TENM1: variants seen among roughly 807,000 people sequenced by gnomAD.
TENM1 encodes the protein teneurin transmembrane protein 1, also known as teneurin-1.
TENM1 carries 35 observed loss-of-function variants against 174.8 expected under a neutral mutation model. The ratio of observed to expected loss-of-function variants is 0.20; its 90% CI spans 0.15 to 0.27. TENM1 has a LOEUF of 0.27. TENM1 is among the 10% of genes least tolerant of loss of function. The pLI, the probability that TENM1 is intolerant of heterozygous loss-of-function variation, is 1.00. For synonymous variants in TENM1, 781 were observed against 798.7 expected, an observed-to-expected ratio of 0.98 and a Z score of 0.37; for missense variants, 1,633 against 2,130.1, an observed-to-expected ratio of 0.77 and a Z score of 4.59.
chrX:124,763,044 A>C (rs1281757848), intron 3 of TENM1, among the ~76,000 whole-genome samples: 2 of 111,759 alleles, frequency 1.8e-5, no homozygotes, highest in Non-Finnish European at 3.8e-5. Context: ...AAAATCACCA[A>C]AAGGAATAGT....
At chrX:124,550,513 A>G (rs3788776) in intron 14 of TENM1, among the ~76,000 whole-genome samples, 8,840 of 111,255 alleles carry the variant, frequency 0.079, 603 homozygotes, top group East Asian at 0.58. Context: ...TCTCATCCCT[A>G]TATTACAAAC....
chrX:124,381,322 C>T, intron 31 of TENM1, 28 bp from the exon 35 acceptor site: 1 of 1,162,067 alleles, frequency 8.6e-7, no homozygotes, highest in Non-Finnish European at 1.1e-6. Flanking sequence ...AGAGCAGATG[C>T]AGCATGGAGT....
chrX:124,849,955 C>A (rs181618623), intron 3 of TENM1, among the ~76,000 whole-genome samples: 1 of 111,649 alleles, frequency 9.0e-6, no homozygotes, highest in Non-Finnish European at 1.9e-5. Context: ...AGGCATCATC[C>A]TATACATTTA....
the TENM1 span, among the ~76,000 whole-genome samples, chrX:125,146,151 T>C: frequency 1.8e-5 from 2 of 111,486 alleles, no homozygotes; most frequent in Non-Finnish European, 3.8e-5. Context: ...GTTGAAACAA[T>C]CCCTTCAGAA....
the TENM1 span, among the ~76,000 whole-genome samples, chrX:125,056,797 G>A: frequency 0.2 from 22,492 of 111,071 alleles, 1,682 homozygotes; most frequent in Admixed American, 0.34. Context: ...TACTCCAAAC[G>A]TTTTTGTAAA....
At chrX:124,947,159 C>T (rs963829154) in intron 1 of TENM1, among the ~76,000 whole-genome samples, 2 of 111,764 alleles carry the variant, frequency 1.8e-5, no homozygotes, top group Non-Finnish European at 3.8e-5. Flanking sequence ...GCATACACTT[C>T]GGTCTTGCAC....
the TENM1 span, among the ~76,000 whole-genome samples, chrX:125,009,102 T>G: frequency 9.7e-6 from 1 of 103,050 alleles, no homozygotes; most frequent in Non-Finnish European, 2.0e-5. Flanking sequence ...GAGCTGTTTT[T>G]TTTTTTTTTC....
At chrX:125,115,879 G>GAA in the TENM1 span, among the ~76,000 whole-genome samples, 1 of 99,030 alleles carries the variant, frequency 1.0e-5, no homozygotes, top group African/African-American at 3.6e-5. Flanking sequence ...ACAGAATTAC[G>GAA]AAAAAAAAAA....
intron 5 of TENM1, 84 bp from the exon 9 acceptor site, chrX:124,671,919 T>G (rs1041649884): frequency 9.6e-7 from 1 of 1,041,793 alleles, no homozygotes; most frequent in African/African-American, 1.9e-5. Context: ...CACCTAAAAA[T>G]GTTACGAACA....
At chrX:125,121,610 T>C in the TENM1 span, among the ~76,000 whole-genome samples, 1 of 111,973 alleles carries the variant, frequency 8.9e-6, no homozygotes, top group Non-Finnish European at 1.9e-5. Context: ...CTCTAACAAT[T>C]TCTACAGTAG....
chrX:125,186,741 C>A, the TENM1 span, among the ~76,000 whole-genome samples: 4 of 111,084 alleles, frequency 3.6e-5, no homozygotes, highest in Non-Finnish European at 5.7e-5. Flanking sequence ...AGAACTGTGA[C>A]CCAAATAAAC....
intron 18 of TENM1, among the ~76,000 whole-genome samples, chrX:124,518,987 T>C (rs1252305593): frequency 8.9e-6 from 1 of 112,031 alleles, no homozygotes; most frequent in African/African-American, 3.2e-5. Flanking sequence ...GAATATGAGA[T>C]ACACAGCAAG....
intron 9 of TENM1, among the ~76,000 whole-genome samples, chrX:124,646,334 A>G (rs1485062412): frequency 8.9e-6 from 1 of 112,171 alleles, no homozygotes; most frequent in Admixed American, 9.5e-5. Flanking sequence ...GCTCATTATG[A>G]ATTAGTTTCT....
At chrX:124,611,305 G>A (rs779174248) in intron 11 of TENM1, among the ~76,000 whole-genome samples, 7 of 111,441 alleles carry the variant, frequency 6.3e-5, no homozygotes, top group Non-Finnish European at 1.3e-4. Flanking sequence ...CATTTCATAG[G>A]CCAGAGCAAG....
the TENM1 span, among the ~76,000 whole-genome samples, chrX:125,001,698 C>T: frequency 9.1e-6 from 1 of 110,397 alleles, no homozygotes; most frequent in East Asian, 2.9e-4. Flanking sequence ...AATCCCTCAA[C>T]CCCTGTTTAT....
chrX:124,808,417 G>A (rs1234951708), intron 3 of TENM1, among the ~76,000 whole-genome samples: 4 of 111,327 alleles, frequency 3.6e-5, no homozygotes, highest in Non-Finnish European at 5.7e-5. Flanking sequence ...AGCAATGGAC[G>A]GATCAACCAG....
rs1456752931 is a variant in TENM1, at chrX:124,402,807, T to G, written c.5391+2224A>C. Among the ~76,000 whole-genome samples, 4 of 111,367 alleles carry G rather than the reference T, an allele frequency of 3.6e-5. No individual in the cohort carries two copies. The East Asian group carries it at 1.1e-3, about 31-fold the overall frequency. On this transcript the variant is annotated intron_variant, in intron 27 of 31. Coordinates refer to ENST00000422452, the Ensembl canonical transcript of TENM1. ...TTCTGTGATGAGTCCATGAGGTCGA[T>G]AAGCCATATGTAGATAATTCTTACT...
At chrX:125,015,762 C>T in the TENM1 span, among the ~76,000 whole-genome samples, 5 of 111,496 alleles carry the variant, frequency 4.5e-5, no homozygotes, top group East Asian at 8.4e-4. Context: ...AAGGGCATTG[C>T]GTAGAATGAG....
chrX:124,987,724 T>C, the TENM1 span, among the ~76,000 whole-genome samples: 1 of 108,096 alleles, frequency 9.3e-6, no homozygotes, highest in Non-Finnish European at 1.9e-5. Context: ...TGTGTGTGTG[T>C]GTGTGTGTGT....
Sources: allele counts gnomAD v4.1 joint callset (sites outside exome capture counted in the v4.1 genomes callset), GRCh38; gene constraint gnomAD v4.1.1; transcripts MANE v1.5; gene names NCBI Gene and HGNC (gene_info 2026-07-23, HGNC 2026-07-21).